Variants in PRKAG2 observed in about 807,000 individuals in gnomAD.
PRKAG2 encodes the protein protein kinase AMP-activated non-catalytic subunit gamma 2.
Under a neutral mutation model 69.6 loss-of-function variants are expected in PRKAG2, and 26 were observed. The observed-to-expected ratio is 0.37, with a 90% confidence interval of 0.27 to 0.52. The LOEUF (loss-of-function observed/expected upper bound fraction) is 0.52, where lower values mean the gene tolerates loss of function less well. Ranked by LOEUF, PRKAG2 falls within the 20% of genes least tolerant of loss-of-function variation. The pLI is 0.90. For missense variants in PRKAG2, 557 were observed against 740.0 expected (o/e 0.75, Z 2.87); for synonymous variants, 293 against 285.0 (o/e 1.03, Z -0.28).
At chr7:151,645,887 G>T (rs1827476421) in intron 4 of PRKAG2, among the ~76,000 whole-genome samples, 1 of 152,118 alleles carries the variant, frequency 6.6e-6, no homozygotes. Context: ...TTTAAATTAT[G>T]ATATGTGGCA....
intron 1 of PRKAG2, among the ~76,000 whole-genome samples, chr7:151,846,387 G>C (rs1356647264): frequency 6.6e-6 from 1 of 152,160 alleles, no homozygotes; most frequent in African/African-American, 2.4e-5. Context: ...AGAATCACTT[G>C]AAACCGGTAG....
intron 3 of PRKAG2, among the ~76,000 whole-genome samples, chr7:151,747,918 CTT>C (rs34915377): frequency 0.038 from 4,355 of 114,210 alleles, 263 homozygotes; most frequent in African/African-American, 0.14. Context: ...AAAAAACTTA[CTT>C]TTTTTTTTTT....
At chr7:151,801,711 T>C (rs1346970822) in intron 1 of PRKAG2, among the ~76,000 whole-genome samples, 1 of 152,136 alleles carries the variant, frequency 6.6e-6, no homozygotes, top group Non-Finnish European at 1.5e-5. Context: ...AGGGGCTTGT[T>C]ATATAAGGAG....
chr7:151,649,092 T>C (rs760413474), intron 4 of PRKAG2, among the ~76,000 whole-genome samples: 2 of 151,548 alleles, frequency 1.3e-5, no homozygotes, highest in African/African-American at 4.9e-5. Context: ...TGTACTAAGT[T>C]AGACCTGAGG....
At chr7:151,572,600 T>C in intron 9 of PRKAG2, 64 bp downstream of exon 9, 1 of 1,191,300 alleles carries the variant, frequency 8.4e-7, no homozygotes, top group Non-Finnish European at 1.2e-6. Context: ...AATGAAAACA[T>C]ACTTTTCATA....
At chr7:151,743,843 C>G (rs540804543) in intron 3 of PRKAG2, among the ~76,000 whole-genome samples, 1 of 152,302 alleles carries the variant, frequency 6.6e-6, no homozygotes, top group South Asian at 2.1e-4. Context: ...CCTCTGCCCT[C>G]GGCAGGGCTC....
chr7:151,783,395 CACT>C (rs2076831049), intron 2 of PRKAG2, among the ~76,000 whole-genome samples: 1 of 152,152 alleles, frequency 6.6e-6, no homozygotes, highest in Non-Finnish European at 1.5e-5. Context: ...GGCTGCAGTG[CACT>C]GGCGCAATCT....
At chr7:151,872,526 G>A (rs1033509542) in intron 1 of PRKAG2, among the ~76,000 whole-genome samples, 1 of 152,250 alleles carries the variant, frequency 6.6e-6, no homozygotes, top group East Asian at 1.9e-4. Context: ...CTGGCCAGAA[G>A]GGCCAGTAAG....
intron 3 of PRKAG2, among the ~76,000 whole-genome samples, chr7:151,683,016 T>G (rs776664992): frequency 3.3e-5 from 5 of 152,188 alleles, no homozygotes; most frequent in African/African-American, 9.6e-5. Context: ...AGAAGACATC[T>G]CCTCCTTTTT....
chr7:151,795,864 T>C (rs1415708189), intron 1 of PRKAG2, among the ~76,000 whole-genome samples: 3,506 of 112,024 alleles, frequency 0.031, 231 homozygotes, highest in African/African-American at 0.12. Flanking sequence ...TATATATATA[T>C]ATATATATAT....
intron 1 of PRKAG2, among the ~76,000 whole-genome samples, chr7:151,802,721 C>T (rs771834670): frequency 1.3e-5 from 2 of 152,102 alleles, no homozygotes; most frequent in African/African-American, 2.4e-5. Flanking sequence ...CAGAAGGTGT[C>T]GGACTCTGCC....
intron 1 of PRKAG2, among the ~76,000 whole-genome samples, chr7:151,845,683 G>C (rs1290145184): frequency 1.3e-5 from 2 of 152,168 alleles, no homozygotes; most frequent in East Asian, 3.9e-4. Context: ...TCCTCACAAG[G>C]GGAGGTGGCT....
chr7:151,814,843 C>T lies in PRKAG2; in HGVS notation c.115-28302G>A. ...GACTGCAGCAAACTGTCATTCCCAC[C>T]TGTGTCAGGCGCTGCTGGGGAGGAA... On this transcript the variant is annotated intron_variant, in intron 1 of 15. Transcript: ENST00000287878. The surrounding 1 kb of genome is among the most constrained non-coding windows in gnomAD (Gnocchi z 4.8). The T allele has an allele frequency of 8.1e-7, 1 of 1,231,808 alleles. No homozygotes were observed. 76.3% of individuals were successfully genotyped at this position (1,231,808 alleles called of 1,614,324 possible).
At chr7:151,702,213 G>A (rs897816553) in intron 3 of PRKAG2, among the ~76,000 whole-genome samples, 2 of 152,200 alleles carry the variant, frequency 1.3e-5, no homozygotes, top group Non-Finnish European at 2.9e-5. Context: ...AGAAGCAAAG[G>A]TTAAAAGTTT....
intron 3 of PRKAG2, among the ~76,000 whole-genome samples, chr7:151,727,252 C>T (rs1165901325): frequency 6.6e-6 from 1 of 152,060 alleles, no homozygotes; most frequent in Non-Finnish European, 1.5e-5. Flanking sequence ...AACCGATACT[C>T]AATGGTATTT....
intron 5 of PRKAG2, among the ~76,000 whole-genome samples, chr7:151,596,768 A>T (rs1032134199): frequency 6.6e-5 from 10 of 152,244 alleles, no homozygotes; most frequent in Non-Finnish European, 1.3e-4. Context: ...AAAATAAAAA[A>T]AAAGAGGAAG....
chr7:151,683,522 G>A (rs1212958200), intron 3 of PRKAG2, among the ~76,000 whole-genome samples: 1 of 152,204 alleles, frequency 6.6e-6, no homozygotes, highest in African/African-American at 2.4e-5. Flanking sequence ...GGAACGACAA[G>A]AAGGAAGTAA....
chr7:151,744,119 C>G (rs941146248), intron 3 of PRKAG2, among the ~76,000 whole-genome samples: 1 of 152,210 alleles, frequency 6.6e-6, no homozygotes, highest in African/African-American at 2.4e-5. Context: ...AGGCGACCAC[C>G]CTTCCACAAG....
chr7:151,846,378 G>A (rs930658024), intron 1 of PRKAG2, among the ~76,000 whole-genome samples: 1 of 152,088 alleles, frequency 6.6e-6, no homozygotes, highest in Admixed American at 6.6e-5. Flanking sequence ...TGAGGCAGGA[G>A]AATCACTTGA....
Sources: gnomAD v4.1 joint callset for allele counts (sites outside exome capture counted in the v4.1 genomes callset) on GRCh38, gnomAD v4.1.1 for gene constraint, Gnocchi (gnomAD v3.1) non-coding constraint, MANE v1.5 for transcripts, NCBI Gene and HGNC (gene_info 2026-07-23, HGNC 2026-07-21) for gene names.